The following FMC1 variants were observed in gnomAD, a reference collection of about 807,000 sequenced individuals.
The protein encoded by FMC1 is formation of mitochondrial complex V assembly factor 1.
A neutral mutation model predicts 10.5 loss-of-function variants in FMC1; 6 were observed. The observed-to-expected ratio is 0.57, with a 90% CI of 0.31 to 1.12. FMC1 has a LOEUF of 1.12. Ranked by LOEUF, FMC1 falls within the 50% of genes most tolerant of loss-of-function variation. The pLI is 0.05. For synonymous variants in FMC1, 59 were observed against 62.1 expected (o/e 0.95, Z 0.24); for missense variants, 146 against 151.7 (o/e 0.96, Z 0.20).
upstream of FMC1, among the ~76,000 whole-genome samples, chr7:139,340,898 ATC>A (rs1284612075): frequency 6.6e-6 from 1 of 151,700 alleles, no homozygotes; most frequent in African/African-American, 2.4e-5. Flanking sequence ...ATTTTCGAGA[ATC>A]TGCACACACC....
Position 139,341,545 on chromosome 7 carries a change from G to A in FMC1, c.138+23G>A, listed in dbSNP as rs769211858. 1.6e-5 allele frequency: 26 copies of A among 1,605,174 alleles called. No homozygotes were observed. The East Asian group carries it at 5.6e-4, about 35-fold the overall frequency. Reference sequence around the variant, plus strand: ...CGGGTACGGGAGCCATGTCCCGGGTGCTCTACGTGCTGGGGAGGGAGGAAG... The same window carrying A: ...CGGGTACGGGAGCCATGTCCCGGGTACTCTACGTGCTGGGGAGGGAGGAAG... On this transcript the variant is annotated intron_variant, in intron 1 of 1. Transcript: ENST00000297534.
intron 1 of FMC1, among the ~76,000 whole-genome samples, chr7:139,341,981 G>A (rs569360740): frequency 6.6e-6 from 1 of 152,330 alleles, no homozygotes; most frequent in South Asian, 2.1e-4. Flanking sequence ...TTTTGAGGCG[G>A]AAAAGAACAA....
intron 1 of FMC1, 24 bp from the exon 2 acceptor site, chr7:139,345,477 A>T: frequency 6.2e-7 from 1 of 1,613,844 alleles, no homozygotes; most frequent in Non-Finnish European, 8.5e-7. Flanking sequence ...TGGGTTAAGA[A>T]TTTCTGACTT....
chr7:139,340,939 C>G (rs1454737748), upstream of FMC1, among the ~76,000 whole-genome samples: 3 of 152,076 alleles, frequency 2.0e-5, no homozygotes, highest in Non-Finnish European at 4.4e-5. Context: ...CGCAGGTCCC[C>G]TGGGATTTGG....
upstream of FMC1, chr7:139,340,640 C>T (rs971499408): frequency 3.0e-5 from 12 of 396,344 alleles, no homozygotes; most frequent in African/African-American, 1.4e-4. Flanking sequence ...AATGAAGTGA[C>T]GATGACGTAC....
chr7:139,343,606 A>G (rs776017328), intron 1 of FMC1, among the ~76,000 whole-genome samples: 9 of 152,124 alleles, frequency 5.9e-5, no homozygotes, highest in African/African-American at 2.2e-4. Flanking sequence ...CACACATTCT[A>G]GTTTTCAGAT....
chr7:139,344,641 T>C (rs926459476), intron 1 of FMC1, among the ~76,000 whole-genome samples: 4 of 152,056 alleles, frequency 2.6e-5, no homozygotes, highest in African/African-American at 9.7e-5. Context: ...CCTTCATTTG[T>C]TACTATTTAG....
upstream of FMC1, chr7:139,341,214 C>T: frequency 8.3e-7 from 1 of 1,211,334 alleles, no homozygotes; most frequent in Non-Finnish European, 1.1e-6. Flanking sequence ...CGCCCCTGGG[C>T]CTTCGATTAA....
chr7:139,341,219 G>A (rs543286182), upstream of FMC1: 9 of 1,272,522 alleles, frequency 7.1e-6, no homozygotes, highest in African/African-American at 3.0e-5. Flanking sequence ...CTGGGCCTTC[G>A]ATTAATAAGG....
rs1167860749 is a variant in FMC1, at chr7:139,345,627, C to T, written c.265C>T (p.Arg89Cys). The T allele has an allele frequency of 9.3e-6, 15 of 1,613,960 alleles. No individual in the cohort carries two copies. The highest frequency in any genetic ancestry group is 5.3e-5 in the African/African-American group (4 of 74,894). ...LHQEFHGKGE[R>C]SVEESAGLVG... ...TCAGGAATTTCATGGCAAGGGTGAG[C>T]GCTCGGTGGAGGAGTCTGCTGGCTT... is the stretch of plus-strand genomic sequence containing the variant. Residue 89 changes from arginine (R) to cysteine (C), a missense_variant, in exon 2 of 2, where the codon CGC becomes TGC. By Grantham distance (180) the Arg-to-Cys change is radical. Coordinates refer to ENST00000297534, the MANE Select transcript of FMC1 (RefSeq NM_197964.5).
upstream of FMC1, chr7:139,341,122 CCT>C (rs778488603): frequency 7.5e-5 from 30 of 398,578 alleles, no homozygotes; most frequent in Admixed American, 9.1e-5. Flanking sequence ...AAGAAAAGCC[CCT>C]GTTTCCCCAA....
chr7:139,341,565 AG>A (rs759713020), intron 1 of FMC1, 43 bp downstream of exon 1: 3 of 1,596,388 alleles, frequency 1.9e-6, no homozygotes, highest in Non-Finnish European at 1.7e-6. Context: ...CTGGGGAGGG[AG>A]GAAGAGCCGG....
chr7:139,343,926 CAAAAAAAAAAA>C (rs1163028006), intron 1 of FMC1, among the ~76,000 whole-genome samples: 4 of 104,894 alleles, frequency 3.8e-5, no homozygotes, highest in Non-Finnish European at 9.0e-5. Context: ...ACCCTGTCCC[CAAAAAAAAAAA>C]AAAAAAAAAG....
intron 1 of FMC1, among the ~76,000 whole-genome samples, chr7:139,344,288 C>T (rs1799150622): frequency 6.6e-6 from 1 of 152,088 alleles, no homozygotes; most frequent in African/African-American, 2.4e-5. Context: ...CCAGGACACC[C>T]CCCACCCCCA....
chr7:139,345,352 A>G (rs1295103178), intron 1 of FMC1, 149 bp from the exon 2 acceptor site: 3 of 1,257,282 alleles, frequency 2.4e-6, no homozygotes, highest in African/African-American at 1.5e-5. Flanking sequence ...GCCTCTATAG[A>G]TGTATTAAGT....
chr7:139,345,736 T>C lies in FMC1; in HGVS notation c.*32T>C. ...AGAATATCCTTGGATGCTGCATTCA[T>C]AGGAGAATTGAATAATTTCTATCAA... On this transcript the variant is annotated 3_prime_UTR_variant, in exon 2 of 2. Transcript: ENST00000297534. 1 of 1,588,876 alleles carries C rather than the reference T, an allele frequency of 6.3e-7. No homozygotes were observed. The highest frequency in any genetic ancestry group is 8.6e-7 in the Non-Finnish European group (1 of 1,166,820).
At chr7:139,340,549 T>C, upstream of FMC1, 4 of 398,376 alleles carry the variant, frequency 1.0e-5, no homozygotes, top group Non-Finnish European at 1.3e-5. Context: ...TGTGGACTTT[T>C]GTTCTCTAAC....
chr7:139,340,722 G>A, upstream of FMC1: 1 of 387,204 alleles, frequency 2.6e-6, no homozygotes, highest in Non-Finnish European at 4.6e-6. Context: ...TAATGGATAA[G>A]GCATTGGCCT....
chr7:139,341,208 C>T (rs1464565959), upstream of FMC1: 9 of 1,168,234 alleles, frequency 7.7e-6, no homozygotes, highest in Admixed American at 3.0e-5. Context: ...TTACGGCGCC[C>T]CTGGGCCTTC....
Sources: allele counts gnomAD v4.1 joint callset (sites outside exome capture counted in the v4.1 genomes callset), GRCh38; gene constraint gnomAD v4.1.1; transcripts MANE v1.5; gene names NCBI Gene and HGNC (gene_info 2026-07-23, HGNC 2026-07-21).